DRC11: variants seen among roughly 807,000 people sequenced by gnomAD.
DRC11 encodes the protein dynein regulatory complex subunit 11.
the DRC11 span, among the ~76,000 whole-genome samples, chr2:236,464,685 A>G: frequency 6.6e-6 from 1 of 152,118 alleles, no homozygotes; most frequent in African/African-American, 2.4e-5. Context: ...CTCATGTTGA[A>G]ATGTGATCCC....
At chr2:236,391,820 G>A in the DRC11 span, among the ~76,000 whole-genome samples, 1 of 152,166 alleles carries the variant, frequency 6.6e-6, no homozygotes, top group South Asian at 2.1e-4. The surrounding 1 kb of genome is among the most constrained non-coding windows in gnomAD (Gnocchi z 4.5). Flanking sequence ...AAGGTTAAAT[G>A]GTGGACCAAT....
the DRC11 span, among the ~76,000 whole-genome samples, chr2:236,401,679 A>T: frequency 6.6e-6 from 1 of 151,862 alleles, no homozygotes; most frequent in African/African-American, 2.4e-5. This position sits in a 1 kb window ranked among gnomAD's most constrained non-coding sequence, Gnocchi z 4.6. Flanking sequence ...AAAAGGCCTC[A>T]CAGTGTATGA....
chr2:236,459,024 G>A, the DRC11 span, among the ~76,000 whole-genome samples: 1 of 152,102 alleles, frequency 6.6e-6, no homozygotes, highest in Non-Finnish European at 1.5e-5. Context: ...CAGCCTGGGC[G>A]ACAGAGTAAG....
chr2:236,394,643 G>A, the DRC11 span, among the ~76,000 whole-genome samples: 2 of 152,078 alleles, frequency 1.3e-5, no homozygotes, highest in Admixed American at 6.6e-5. The surrounding 1 kb of genome is among the most constrained non-coding windows in gnomAD (Gnocchi z 7.0). Flanking sequence ...AAGTGGGTTG[G>A]GTTCACAAGC....
chr2:236,359,425 G>A, the DRC11 span, among the ~76,000 whole-genome samples: 7 of 152,196 alleles, frequency 4.6e-5, no homozygotes, highest in South Asian at 2.1e-4. This position sits in a 1 kb window ranked among gnomAD's most constrained non-coding sequence, Gnocchi z 4.3. Flanking sequence ...GTGCTTCCAC[G>A]GTGCTGTGAG....
chr2:236,429,794 A>G, the DRC11 span, among the ~76,000 whole-genome samples: 2 of 152,112 alleles, frequency 1.3e-5, no homozygotes, highest in African/African-American at 4.8e-5. The surrounding 1 kb of genome is among the most constrained non-coding windows in gnomAD (Gnocchi z 5.9). Flanking sequence ...GGGGACAGGT[A>G]GGAGACTCAG....
At chr2:236,460,923 T>C in the DRC11 span, among the ~76,000 whole-genome samples, 1 of 151,968 alleles carries the variant, frequency 6.6e-6, no homozygotes, top group Non-Finnish European at 1.5e-5. The surrounding 1 kb of genome is among the most constrained non-coding windows in gnomAD (Gnocchi z 4.0). Context: ...TCAAGCTAAT[T>C]TTTGTATTTT....
At chr2:236,378,349 AAG>A in the DRC11 span, among the ~76,000 whole-genome samples, 1 of 152,204 alleles carries the variant, frequency 6.6e-6, no homozygotes, top group Non-Finnish European at 1.5e-5. Flanking sequence ...AAATTTGAAG[AAG>A]ATTCTCTAAC....
the DRC11 span, among the ~76,000 whole-genome samples, chr2:236,448,417 G>A: frequency 6.6e-5 from 10 of 151,982 alleles, no homozygotes; most frequent in East Asian, 1.9e-4. The surrounding 1 kb of genome is among the most constrained non-coding windows in gnomAD (Gnocchi z 5.3). Context: ...TCACTCTGTC[G>A]CCCGGGCTGG....
At chr2:236,484,226 C>A in the DRC11 span, among the ~76,000 whole-genome samples, 92 of 152,088 alleles carry the variant, frequency 6.0e-4, no homozygotes, top group Non-Finnish European at 6.6e-4. Flanking sequence ...TTGTTAAGTA[C>A]ACAGAATTGG....
chr2:236,360,444 A>T, the DRC11 span, among the ~76,000 whole-genome samples: 1 of 152,214 alleles, frequency 6.6e-6, no homozygotes, highest in East Asian at 1.9e-4. The surrounding 1 kb of genome is among the most constrained non-coding windows in gnomAD (Gnocchi z 5.8). Flanking sequence ...TTTTATATTT[A>T]TGTGCTTCTG....
the DRC11 span, among the ~76,000 whole-genome samples, chr2:236,315,279 T>C: frequency 6.6e-6 from 1 of 152,218 alleles, no homozygotes; most frequent in Admixed American, 6.5e-5. The surrounding 1 kb of genome is among the most constrained non-coding windows in gnomAD (Gnocchi z 5.1). Context: ...TTCATATGGC[T>C]CTGAAATAAG....
the DRC11 span, among the ~76,000 whole-genome samples, chr2:236,427,923 A>G: frequency 1.2e-4 from 19 of 152,044 alleles, no homozygotes; most frequent in Non-Finnish European, 2.9e-5. This position sits in a 1 kb window ranked among gnomAD's most constrained non-coding sequence, Gnocchi z 5.9. Flanking sequence ...AGGTTTTAGT[A>G]TGTTGTGTTT....
At chr2:236,488,307 T>C in the DRC11 span, 1 of 668,982 alleles carries the variant, frequency 1.5e-6, no homozygotes, top group Non-Finnish European at 2.4e-6. Flanking sequence ...CCACGGCTGA[T>C]CATGAGTGTG....
At chr2:236,331,580 T>C in the DRC11 span, 31 of 1,613,624 alleles carry the variant, frequency 1.9e-5, no homozygotes, top group South Asian at 3.2e-4. The surrounding 1 kb of genome is among the most constrained non-coding windows in gnomAD (Gnocchi z 4.8). Context: ...TTGCGTTCAA[T>C]GATTTGCTTC....
the DRC11 span, among the ~76,000 whole-genome samples, chr2:236,345,362 C>T: frequency 1.3e-5 from 2 of 152,056 alleles, no homozygotes. Context: ...ACAGGCAGGA[C>T]AAGCTTGAGG....
chr2:236,476,742 A>AT, the DRC11 span, among the ~76,000 whole-genome samples: 38,422 of 151,048 alleles, frequency 0.25, 5,115 homozygotes, highest in African/African-American at 0.31. This position sits in a 1 kb window ranked among gnomAD's most constrained non-coding sequence, Gnocchi z 4.7. Context: ...TCCTGATTGT[A>AT]TTTTTTTTAA....
At chr2:236,345,697 C>T in the DRC11 span, among the ~76,000 whole-genome samples, 3 of 152,208 alleles carry the variant, frequency 2.0e-5, no homozygotes, top group East Asian at 5.8e-4. Flanking sequence ...AATTGCTGTA[C>T]ACCTAACAAT....
chr2:236,399,421 G>A, the DRC11 span: 2 of 1,613,662 alleles, frequency 1.2e-6, no homozygotes, highest in Non-Finnish European at 1.7e-6. This position sits in a 1 kb window ranked among gnomAD's most constrained non-coding sequence, Gnocchi z 7.0. Flanking sequence ...ACCTTTGTAT[G>A]CGTTACATCC....
Sources: gnomAD v4.1 joint callset for allele counts (sites outside exome capture counted in the v4.1 genomes callset) on GRCh38, gnomAD v4.1.1 for gene constraint, Gnocchi (gnomAD v3.1) non-coding constraint, MANE v1.5 for transcripts, NCBI Gene and HGNC (gene_info 2026-07-23, HGNC 2026-07-21) for gene names.